The following PTPRT variants were observed in gnomAD, a reference collection of about 807,000 sequenced individuals.
The protein encoded by PTPRT is receptor-type tyrosine-protein phosphatase T.
In PTPRT, 56 loss-of-function variants were observed where a neutral mutation model predicts 176.8. The ratio of observed to expected loss-of-function variants is 0.32; its 90% CI spans 0.26 to 0.40. The LOEUF (loss-of-function observed/expected upper bound fraction) is 0.40. Among genes scored for constraint, PTPRT ranks in the 10% least tolerant of loss-of-function variants. The pLI, the probability that PTPRT is intolerant of heterozygous loss-of-function variation, is 1.00. For missense variants in PTPRT, 1,540 were observed against 1,908.2 expected, an observed-to-expected ratio of 0.81 and a Z score of 3.60; for synonymous variants, 783 against 739.0, an observed-to-expected ratio of 1.06 and a Z score of -0.96.
At chr20:43,152,367 G>C (rs188803195) in intron 1 of PTPRT, among the ~76,000 whole-genome samples, 1 of 152,222 alleles carries the variant, frequency 6.6e-6, no homozygotes, top group Admixed American at 6.5e-5. Context: ...TCTATAACTA[G>C]ACAAGAAAAA....
intron 12 of PTPRT, among the ~76,000 whole-genome samples, chr20:42,288,620 G>T (rs2057270060): frequency 6.6e-6 from 1 of 151,960 alleles, no homozygotes; most frequent in Non-Finnish European, 1.5e-5. Context: ...TGTGGCATTT[G>T]ATTTTCTCTT....
intron 6 of PTPRT, among the ~76,000 whole-genome samples, chr20:42,706,231 GTCTA>G (rs149166267): frequency 0.013 from 2,013 of 150,312 alleles, 44 homozygotes; most frequent in African/African-American, 0.046. Context: ...GTGTGTGTGT[GTCTA>G]TCTGTCTCTC....
intron 9 of PTPRT, among the ~76,000 whole-genome samples, chr20:42,386,559 A>C (rs955030915): frequency 2.0e-5 from 3 of 152,146 alleles, no homozygotes; most frequent in African/African-American, 7.2e-5. Flanking sequence ...GGTATGCTTG[A>C]CATTGCTTCT....
At chr20:42,565,933 A>G (rs963980914) in intron 7 of PTPRT, among the ~76,000 whole-genome samples, 1 of 151,898 alleles carries the variant, frequency 6.6e-6, no homozygotes, top group African/African-American at 2.4e-5. Flanking sequence ...CATCCTCCTT[A>G]TGGCAGAGAC....
chr20:43,126,485 T>C (rs890831032), intron 1 of PTPRT, among the ~76,000 whole-genome samples: 1 of 152,210 alleles, frequency 6.6e-6, no homozygotes, highest in Non-Finnish European at 1.5e-5. Context: ...TTATAGTCAA[T>C]GCCTGACTGA....
chr20:42,664,717 C>T (rs934956343), intron 7 of PTPRT, among the ~76,000 whole-genome samples: 4 of 152,138 alleles, frequency 2.6e-5, no homozygotes, highest in African/African-American at 9.7e-5. Flanking sequence ...GATCCTTCTG[C>T]CCTGGCCTCC....
At chr20:42,953,941 CATGAAGGGAAAA>C (rs1433133169) in intron 1 of PTPRT, among the ~76,000 whole-genome samples, 1 of 152,100 alleles carries the variant, frequency 6.6e-6, no homozygotes, top group Middle Eastern at 3.2e-3. Context: ...CCATATATCC[CATGAAGGGAAAA>C]ATCACTTGAG....
chr20:42,620,548 C>CG (rs2074173366), intron 7 of PTPRT, among the ~76,000 whole-genome samples: 2 of 147,712 alleles, frequency 1.4e-5, no homozygotes, highest in African/African-American at 5.2e-5. Context: ...GCCTCGTTGT[C>CG]GCCTTGCAGT....
intron 29 of PTPRT, among the ~76,000 whole-genome samples, chr20:42,083,597 T>C (rs916501654): frequency 5.9e-5 from 9 of 152,178 alleles, no homozygotes; most frequent in Admixed American, 1.3e-4. Flanking sequence ...GCCTAACATG[T>C]GCATGCACCA....
At chr20:42,650,451 A>C (rs2075009194) in intron 7 of PTPRT, among the ~76,000 whole-genome samples, 1 of 152,024 alleles carries the variant, frequency 6.6e-6, no homozygotes. Flanking sequence ...TAAATCTGTC[A>C]CCTCCATCAA....
the PTPRT span, among the ~76,000 whole-genome samples, chr20:42,050,238 C>A: frequency 2.0e-5 from 3 of 152,154 alleles, no homozygotes; most frequent in Non-Finnish European, 2.9e-5. Flanking sequence ...GTAAGCAGAA[C>A]TATTTCCTGG....
At chr20:42,207,070 C>T (rs1179327669) in intron 15 of PTPRT, among the ~76,000 whole-genome samples, 3 of 152,044 alleles carry the variant, frequency 2.0e-5, no homozygotes, top group African/African-American at 7.2e-5. Flanking sequence ...AACAGACCTG[C>T]AGCTGAGGGT....
chr20:42,224,735 G>C (rs1245509757), intron 15 of PTPRT, among the ~76,000 whole-genome samples: 1 of 152,110 alleles, frequency 6.6e-6, no homozygotes, highest in Non-Finnish European at 1.5e-5. Context: ...CTGTGGCTTG[G>C]GGTCTTCTCC....
At chr20:42,818,450 G>C (rs2077830237) in intron 2 of PTPRT, among the ~76,000 whole-genome samples, 1 of 152,056 alleles carries the variant, frequency 6.6e-6, no homozygotes, top group South Asian at 2.1e-4. Flanking sequence ...ACAAAAAAAT[G>C]CTGAAAACAC....
intron 9 of PTPRT, among the ~76,000 whole-genome samples, chr20:42,394,676 A>T (rs1320139462): frequency 1.3e-5 from 2 of 152,190 alleles, no homozygotes; most frequent in Non-Finnish European, 2.9e-5. Flanking sequence ...TGGCTTTGTT[A>T]CTTAGAGCTG....
chr20:43,032,825 T>C (rs925966857), intron 1 of PTPRT, among the ~76,000 whole-genome samples: 4 of 152,154 alleles, frequency 2.6e-5, no homozygotes, highest in Non-Finnish European at 4.4e-5. Flanking sequence ...ACAATACTAA[T>C]AAGTAAAAGC....
chr20:42,896,854 C>A (rs2079309162), intron 1 of PTPRT, among the ~76,000 whole-genome samples: 1 of 152,112 alleles, frequency 6.6e-6, no homozygotes, highest in Non-Finnish European at 1.5e-5. Context: ...AGGGTAATAT[C>A]TAAGTGGGGC....
chr20:42,254,110 A>G (rs763966665), intron 13 of PTPRT, among the ~76,000 whole-genome samples: 2 of 151,958 alleles, frequency 1.3e-5, no homozygotes, highest in Admixed American at 6.6e-5. Flanking sequence ...GCCTCCTCCC[A>G]TGCTACCCAG....
intron 1 of PTPRT, among the ~76,000 whole-genome samples, chr20:42,916,053 T>C (rs1428585556): frequency 6.6e-6 from 1 of 152,078 alleles, no homozygotes. Context: ...CATGTTGGTG[T>C]GCTGTACCCA....
Sources: gnomAD v4.1 joint callset for allele counts (sites outside exome capture counted in the v4.1 genomes callset) on GRCh38, gnomAD v4.1.1 for gene constraint, MANE v1.5 for transcripts, NCBI Gene and HGNC (gene_info 2026-07-23, HGNC 2026-07-21) for gene names.